The following FOXO4 variants were observed in gnomAD, a reference collection of about 807,000 sequenced individuals.
The protein encoded by FOXO4 is forkhead box protein O4.
FOXO4 carries 3 observed loss-of-function variants against 20.8 expected under a neutral mutation model. The observed-to-expected ratio is 0.14, with a 90% CI of 0.07 to 0.37. FOXO4 has a LOEUF of 0.37. FOXO4 is among the 10% of genes least tolerant of loss of function. The pLI is 1.00. For missense variants in FOXO4, 309 were observed against 431.9 expected, an observed-to-expected ratio of 0.72 and a Z score of 2.52; for synonymous variants, 158 against 180.0, an observed-to-expected ratio of 0.88 and a Z score of 0.98.
At position 71,102,090 on chromosome X, in the gene FOXO4, G is replaced by A. The variant is rs763022269; in HGVS notation, c.*6G>A. The A allele has an allele frequency of 1.7e-6, 2 of 1,207,818 alleles. No individual in the cohort carries two copies. The highest frequency in any genetic ancestry group is 2.2e-6 in the Non-Finnish European group (2 of 893,686). ...TTCTTCCCACAGATCCCTGAGTCAT[G>A]CCTGGAAGCTTTGTCCCCTGCTTCA... On this transcript the variant is annotated 3_prime_UTR_variant, in exon 3 of 3. Transcript: ENST00000374259.
At position 71,101,281 on chromosome X, in the gene FOXO4, G is replaced by A; in HGVS notation, c.1051G>A (p.Gly351Arg). ...YSSSLFSPAEGPLSAGEGCFS... is the reference protein window; with the variant it reads ...YSSSLFSPAERPLSAGEGCFS... ...CAGCTCCCTTTTCAGCCCAGCAGAG[G>A]GGCCCCTGTCAGCAGGAGAAGGGTG... Residue 351 changes from glycine to arginine, a missense_variant, in exon 2 of 3, where the codon GGG (glycine) becomes AGG (arginine). Physicochemically the swap from Gly to Arg is moderately radical, Grantham distance 125. Around this residue, in one of 3 missense-constraint regions of FOXO4, gnomAD observed 223 missense variants for 302.7 expected, o/e 0.74. Coordinates refer to ENST00000374259, the MANE Select transcript of FOXO4 (RefSeq NM_005938.4). 1 of 1,211,320 alleles carries A rather than the reference G, an allele frequency of 8.3e-7. No homozygotes were observed. Among genetic ancestry groups the A allele is most frequent in the Non-Finnish European group, 1.1e-6 (1 of 895,306 alleles).
intron 1 of FOXO4, among the ~76,000 whole-genome samples, chrX:71,099,640 C>T (rs968669286): frequency 1.8e-5 from 2 of 111,531 alleles, no homozygotes; most frequent in African/African-American, 3.3e-5. Flanking sequence ...AATTGTGTGG[C>T]GCAGATTTTA....
rs373362601 is a variant in FOXO4 at position 71,100,738 on chromosome X, G to C, written c.508G>C (p.Glu170Gln). The C allele has an allele frequency of 5.8e-6, 7 of 1,205,439 alleles. No homozygotes were observed. Among genetic ancestry groups the C allele is most frequent in the Non-Finnish European group, 6.7e-6 (6 of 892,858 alleles). The change falls in exon 2 of 3, where the codon GAG becomes CAG. Residue 170 changes from glutamate (E) to glutamine (Q), a missense_variant. Glu to Gln is a conservative substitution (Grantham distance 29, BLOSUM62 2). Around this residue, in one of 3 missense-constraint regions of FOXO4, gnomAD observed 223 missense variants for 302.7 expected, o/e 0.74. Transcript: ENST00000374259. ...LHSKFIKVHN[E>Q]ATGKSSWWML... ...CAGCAAGTTCATCAAGGTTCACAACGAGGCCACCGGCAAAAGCTCTTGGTG... is the reference window on the plus strand; with the variant it reads ...CAGCAAGTTCATCAAGGTTCACAACCAGGCCACCGGCAAAAGCTCTTGGTG...
Position 71,100,882 on chromosome X carries a change from G to C in FOXO4, c.652G>C (p.Val218Leu). 1 of 1,211,143 alleles carries C rather than the reference G, an allele frequency of 8.3e-7. No homozygotes were observed. Among genetic ancestry groups the C allele is most frequent in the Non-Finnish European group, 1.1e-6 (1 of 895,092 alleles). Residue 218 changes from valine to leucine, a missense_variant, in exon 2 of 3, where the codon GTG becomes CTG. Val to Leu is a conservative substitution (Grantham distance 32). This residue lies in a region of FOXO4 where 223 missense variants were observed against 302.7 expected (regional missense o/e 0.74). Coordinates refer to ENST00000374259, the MANE Select transcript of FOXO4 (RefSeq NM_005938.4). Reference sequence around the variant, plus strand: ...TAAAGCCCCCAAGAAGAAACCATCTGTGCTGCCAGCTCCACCCGAAGGTGC... The same window carrying C: ...TAAAGCCCCCAAGAAGAAACCATCTCTGCTGCCAGCTCCACCCGAAGGTGC... ...RSKAPKKKPS[V>L]LPAPPEGATP...
At chrX:71,100,465 A>G (rs2092227900) in intron 1 of FOXO4, among the ~76,000 whole-genome samples, 2 of 102,185 alleles carry the variant, frequency 2.0e-5, no homozygotes, top group Admixed American at 2.3e-4. Context: ...GCACCCTTTT[A>G]TCTTTTATCT....
At position 71,096,520 on chromosome X, in the gene FOXO4, A is replaced by G. The variant is rs1389878161; in HGVS notation, c.-9A>G. On this transcript the variant is annotated 5_prime_UTR_variant, in exon 1 of 3. Transcript: ENST00000374259. ...CTGAACGCTGAGCCGGGGAGGTCCAACTCCACGTATGGATCCGGGGAATGA... is the reference window on the plus strand; with the variant it reads ...CTGAACGCTGAGCCGGGGAGGTCCAGCTCCACGTATGGATCCGGGGAATGA... The G allele has an allele frequency of 8.4e-7, 1 of 1,197,413 alleles. No individual in the cohort carries two copies. Among genetic ancestry groups the G allele is most frequent in the Non-Finnish European group, 1.1e-6 (1 of 887,818 alleles).
Position 71,102,138 on chromosome X carries a change from T to TA in FOXO4, c.*55dup. The stretch of plus-strand genomic sequence containing the variant: ...TCAGATGTGGAGCCAGGCGTGTTCA[T>TA]ATCTACTCTTTACCCTTGAGCCCTC... On this transcript the variant is annotated 3_prime_UTR_variant, in exon 3 of 3. Transcript: ENST00000374259. 2.6e-6 allele frequency: 3 copies of TA among 1,162,641 alleles called. No homozygotes were observed. The highest frequency in any genetic ancestry group is 3.5e-6 in the Non-Finnish European group (3 of 853,764).
chrX:71,096,685 G>C lies in FOXO4; in HGVS notation c.157G>C (p.Asp53His), dbSNP rs201579827. ...GTCCGAGCCGCCCGAGGTGGAGCCA[G>C]ATCTGGGGGAAAAGGTACACACGGA... is the stretch of plus-strand genomic sequence containing the variant. ...QPSEPPEVEP[D>H]LGEKVHTEGR... The change falls in exon 1 of 3, where the codon GAT (aspartate) becomes CAT (histidine). Residue 53 changes from aspartate (D) to histidine (H), a missense_variant. Transcript: ENST00000374259. The C allele has an allele frequency of 2.3e-4, 280 of 1,209,030 alleles. 2 individuals are homozygous for C. The East Asian group carries it at 6.2e-3, about 27-fold the overall frequency.
chrX:71,101,464 G>A lies in FOXO4; in HGVS notation c.1234G>A (p.Val412Ile), dbSNP rs776865757. Residue 412 changes from valine (V) to isoleucine (I), a missense_variant, in exon 2 of 3, where the codon GTC becomes ATC. By Grantham distance (29) the Val-to-Ile change is conservative. This residue lies in a region of FOXO4 where 223 missense variants were observed against 302.7 expected (regional missense o/e 0.74). Coordinates refer to ENST00000374259, the MANE Select transcript of FOXO4 (RefSeq NM_005938.4). ...LPSSSKLATG[V>I]GLCPKPLEAP... is the part of the protein sequence containing the mutation. ...TTCCTCCAGTAAGCTGGCCACGGGC[G>A]TCGGCCTGTGTCCCAAGCCCCTAGA... The A allele has an allele frequency of 3.5e-5, 42 of 1,209,355 alleles. No individual in the cohort carries two copies. Among genetic ancestry groups the A allele is most frequent in the Middle Eastern group, 4.6e-4 (2 of 4,370 alleles).
intron 1 of FOXO4, among the ~76,000 whole-genome samples, chrX:71,100,183 C>T (rs776434606): frequency 9.3e-6 from 1 of 107,130 alleles, no homozygotes; most frequent in African/African-American, 3.4e-5. Flanking sequence ...GCTCCCCCCA[C>T]CCCCCGCAAA....
intron 1 of FOXO4, chrX:71,099,469 A>C (rs1268904987): frequency 8.9e-6 from 1 of 111,819 alleles, no homozygotes; most frequent in Non-Finnish European, 1.9e-5. Context: ...AATATTGATT[A>C]TGTACTGTGA....
Position 71,096,473 on chromosome X carries a change from T to A in FOXO4, c.-56T>A. ...GCTTCCCCCCTGAGGGGAGGCATCG[T>A]GAGGGACTGTGGCAGGCTTCACTGA... On this transcript the variant is annotated 5_prime_UTR_variant, in exon 1 of 3. Transcript: ENST00000374259. The A allele has an allele frequency of 9.5e-7, 1 of 1,057,848 alleles. No homozygotes were observed. Among genetic ancestry groups the A allele is most frequent in the South Asian group, 2.0e-5 (1 of 49,677 alleles). The allele number at this position is 1,057,848 out of a possible 1,213,427, so 87.2% of individuals were successfully genotyped here. A position where few individuals can be genotyped will look rare whatever the true frequency, so the allele number is the denominator to read the frequency against.
rs1310016350 is a variant in FOXO4, at chrX:71,101,753, CT to C, written c.1510+14del. 7.8e-6 allele frequency: 9 copies of C among 1,152,929 alleles called. No homozygotes were observed. Among genetic ancestry groups the C allele is most frequent in the Non-Finnish European group, 1.1e-5 (9 of 841,783 alleles). On this transcript the variant is annotated intron_variant, in intron 2 of 2. Transcript: ENST00000374259. ...AACTTTGAGCCAGGTACAGTACCCC[CT>C]AATCACCACAGCACCTCATAGCCTA...
intron 1 of FOXO4, among the ~76,000 whole-genome samples, chrX:71,098,263 C>T (rs750892621): frequency 6.2e-5 from 7 of 112,287 alleles, no homozygotes; most frequent in African/African-American, 1.9e-4. Context: ...CCACATTTTA[C>T]ACATTAGGAA....
In FOXO4 at chrX:71,101,564, T is replaced by C. The variant is rs753559734; in HGVS notation, c.1334T>C (p.Ile445Thr). The C allele has an allele frequency of 8.3e-7, 1 of 1,211,196 alleles. No homozygotes were observed. Among genetic ancestry groups the C allele is most frequent in the East Asian group, 3.0e-5 (1 of 33,801 alleles). ...CCTCCAGTCATGGCAAGTGCCCCCA[T>C]CCCCAAGGCTCTGGGGACTCCTGTG... is the stretch of plus-strand genomic sequence containing the variant. ...APPPVMASAP[I>T]PKALGTPVLT... Residue 445 changes from isoleucine to threonine, a missense_variant, in exon 2 of 3, where the codon ATC becomes ACC. By Grantham distance (89) the Ile-to-Thr change is moderately conservative. Transcript: ENST00000374259.
chrX:71,102,179 C>A lies in FOXO4; in HGVS notation c.*95C>A. On this transcript the variant is annotated 3_prime_UTR_variant, in exon 3 of 3. Transcript: ENST00000374259. Reference sequence around the variant, plus strand: ...TTGAGCCCTCCCCAGGAATTTGGGACCCTGCTTTAGAGCTAGGGTGGGGTC... The same window carrying A: ...TTGAGCCCTCCCCAGGAATTTGGGAACCTGCTTTAGAGCTAGGGTGGGGTC... The A allele has an allele frequency of 1.1e-6, 1 of 948,229 alleles. No homozygotes were observed. The highest frequency in any genetic ancestry group is 1.5e-6 in the Non-Finnish European group (1 of 666,639). 78.1% of individuals were successfully genotyped at this position (948,229 alleles called of 1,213,427 possible). A position where few individuals can be genotyped will look rare whatever the true frequency, so the allele number is the denominator to read the frequency against.
At chrX:71,097,172 T>C (rs1258070891) in intron 1 of FOXO4, among the ~76,000 whole-genome samples, 191 bp downstream of exon 1, 3 of 109,030 alleles carry the variant, frequency 2.8e-5, no homozygotes, top group African/African-American at 1.0e-4. Flanking sequence ...CACTCGGTGC[T>C]TGATGCTGAA....
rs1401830994 is a variant in FOXO4 at position 71,101,002 on chromosome X, C to T, written c.772C>T (p.Pro258Ser). Residue 258 changes from proline (P) to serine (S), a missense_variant, in exon 2 of 3, where the codon CCA becomes TCA. By Grantham distance (74) the Pro-to-Ser change is moderately conservative. This residue lies in a region of FOXO4 where 223 missense variants were observed against 302.7 expected (regional missense o/e 0.74). Transcript: ENST00000374259. ...EEADMWTTFR[P>S]RSSSNASSVS... ...AGCCGATATGTGGACCACCTTCCGT[C>T]CACGAAGCAGTTCAAATGCCAGCAG... 2.5e-6 allele frequency: 3 copies of T among 1,211,370 alleles called. No homozygotes were observed. Among genetic ancestry groups the T allele is most frequent in the Non-Finnish European group, 3.4e-6 (3 of 895,177 alleles).
chrX:71,099,597 G>T (rs2030681250), intron 1 of FOXO4: 1 of 110,044 alleles, frequency 9.1e-6, no homozygotes, highest in Non-Finnish European at 1.9e-5. Context: ...CGAATTACAT[G>T]AAACCATAAG....
Sources: gnomAD v4.1 joint callset for allele counts (sites outside exome capture counted in the v4.1 genomes callset) on GRCh38, gnomAD v4.1.1 for gene constraint, gnomAD v4.1.1 regional missense constraint, MANE v1.5 for transcripts, NCBI Gene and HGNC (gene_info 2026-07-23, HGNC 2026-07-21) for gene names.